The following ADGRL3 variants were observed in gnomAD, a reference collection of about 807,000 sequenced individuals.
The protein encoded by ADGRL3 is adhesion G protein-coupled receptor L3, also known as calcium-independent alpha-latrotoxin receptor 3.
ADGRL3 carries 62 observed loss-of-function variants against 153.5 expected under a neutral mutation model. The ratio of observed to expected loss-of-function variants is 0.40; its 90% CI spans 0.33 to 0.50. The LOEUF (loss-of-function observed/expected upper bound fraction) is 0.50, where lower values mean the gene tolerates loss of function less well. Ranked by LOEUF, ADGRL3 falls within the 20% of genes least tolerant of loss-of-function variation. ADGRL3 has a pLI of 0.47. For missense variants in ADGRL3, 1,641 were observed against 1,859.4 expected (o/e 0.88, Z 2.16); for synonymous variants, 710 against 672.5 (o/e 1.06, Z -0.86).
chr4:61,809,830 A>G (rs2097589245), intron 8 of ADGRL3, among the ~76,000 whole-genome samples: 1 of 152,090 alleles, frequency 6.6e-6, no homozygotes, highest in African/African-American at 2.4e-5. Context: ...ACAGCTAAAA[A>G]TTACTAAGTA....
chr4:61,341,485 T>C (rs954537726), intron 1 of ADGRL3, among the ~76,000 whole-genome samples: 2 of 151,486 alleles, frequency 1.3e-5, no homozygotes, highest in Non-Finnish European at 2.9e-5. Flanking sequence ...TTTCCTCATA[T>C]ATACAGAGTC....
At chr4:61,812,030 A>C (rs555107099) in intron 8 of ADGRL3, among the ~76,000 whole-genome samples, 1 of 152,288 alleles carries the variant, frequency 6.6e-6, no homozygotes, top group Non-Finnish European at 1.5e-5. Context: ...AGATCTACAA[A>C]GTTTCAAACC....
intron 2 of ADGRL3, among the ~76,000 whole-genome samples, chr4:61,408,853 T>G (rs1388900357): frequency 1.3e-5 from 2 of 152,026 alleles, no homozygotes; most frequent in Non-Finnish European, 2.9e-5. Flanking sequence ...CTAACATACT[T>G]TCAAACTTAT....
chr4:61,442,962 T>C (rs573171943), intron 2 of ADGRL3, among the ~76,000 whole-genome samples: 1 of 152,290 alleles, frequency 6.6e-6, no homozygotes, highest in East Asian at 1.9e-4. Flanking sequence ...TCAATTTGAA[T>C]TAATTTTTGT....
At chr4:61,383,962 A>G (rs2096704939) in intron 2 of ADGRL3, among the ~76,000 whole-genome samples, 2 of 151,874 alleles carry the variant, frequency 1.3e-5, no homozygotes, top group Non-Finnish European at 2.9e-5. Flanking sequence ...TTATAAATAC[A>G]GAGCCTAATA....
At chr4:61,221,785 G>A (rs930358512) in intron 1 of ADGRL3, among the ~76,000 whole-genome samples, 4 of 152,028 alleles carry the variant, frequency 2.6e-5, no homozygotes, top group East Asian at 1.9e-4. Flanking sequence ...TGCAATTGTT[G>A]TAGCAAACCA....
chr4:62,009,432 A>C (rs1406819896), intron 21 of ADGRL3, among the ~76,000 whole-genome samples: 1 of 152,094 alleles, frequency 6.6e-6, no homozygotes, highest in African/African-American at 2.4e-5. Context: ...AATTTTATGA[A>C]GCGTACTTTA....
chr4:61,400,460 A>G (rs2096916792), intron 2 of ADGRL3, among the ~76,000 whole-genome samples: 2 of 151,950 alleles, frequency 1.3e-5, no homozygotes, highest in South Asian at 4.1e-4. Flanking sequence ...AACTAGAAAT[A>G]ATTCCTCTGT....
chr4:61,665,643 C>T (rs1330059592), intron 5 of ADGRL3, among the ~76,000 whole-genome samples: 1 of 152,132 alleles, frequency 6.6e-6, no homozygotes, highest in Non-Finnish European at 1.5e-5. Flanking sequence ...TTTTAATACG[C>T]AAAATGATAT....
chr4:61,894,900 C>G lies in ADGRL3; in HGVS notation c.1784-831C>G, dbSNP rs75568285. 4.5e-3 allele frequency among the ~76,000 whole-genome samples: 678 copies of G among 152,208 alleles called. 7 individuals are homozygous for G. Among genetic ancestry groups the G allele is most frequent in the African/African-American group, 0.016 (651 of 41,510 alleles). On this transcript the variant is annotated intron_variant, in intron 10 of 26. Coordinates refer to ENST00000683033, the MANE Select transcript of ADGRL3 (RefSeq NM_001387552.1). Reference sequence around the variant, plus strand: ...TAATATTCTCATTGATTTTCCGGCACCCACAAATGATAGACAAGGGAGTTT... The same window carrying G: ...TAATATTCTCATTGATTTTCCGGCAGCCACAAATGATAGACAAGGGAGTTT...
chr4:61,720,116 G>A (rs2096211074), intron 6 of ADGRL3, among the ~76,000 whole-genome samples: 1 of 144,592 alleles, frequency 6.9e-6, no homozygotes, highest in Non-Finnish European at 1.5e-5. Context: ...CTGAGACAGA[G>A]TCTCACACTG....
intron 8 of ADGRL3, among the ~76,000 whole-genome samples, chr4:61,794,098 G>A (rs1012054068): frequency 5.3e-5 from 8 of 152,202 alleles, no homozygotes; most frequent in Admixed American, 2.0e-4. Flanking sequence ...AGACATAGTC[G>A]TAGTGGGTAA....
intron 19 of ADGRL3, among the ~76,000 whole-genome samples, chr4:61,989,900 T>C (rs889724696): frequency 1.3e-5 from 2 of 151,982 alleles, no homozygotes; most frequent in African/African-American, 4.8e-5. Context: ...GTGACAAACA[T>C]TGTTGAAGAT....
chr4:61,777,261 A>T (rs914492962), intron 8 of ADGRL3, among the ~76,000 whole-genome samples: 18 of 152,170 alleles, frequency 1.2e-4, no homozygotes, highest in South Asian at 8.3e-4. Context: ...TGAACCTGCG[A>T]GGCGGAGCTT....
chr4:62,046,301 T>C (rs1473860492), intron 25 of ADGRL3, among the ~76,000 whole-genome samples: 2 of 151,956 alleles, frequency 1.3e-5, no homozygotes, highest in Non-Finnish European at 2.9e-5. Context: ...TTGTCTAATA[T>C]TGTTGTCTAA....
At chr4:61,249,751 A>G (rs1392292370) in intron 1 of ADGRL3, among the ~76,000 whole-genome samples, 3 of 152,202 alleles carry the variant, frequency 2.0e-5, no homozygotes, top group Non-Finnish European at 4.4e-5. Flanking sequence ...AATGGATACT[A>G]TGCACGATTA....
intron 4 of ADGRL3, among the ~76,000 whole-genome samples, chr4:61,552,855 CT>C (rs1433968689): frequency 6.6e-6 from 1 of 152,064 alleles, no homozygotes; most frequent in Non-Finnish European, 1.5e-5. Context: ...TAGCTTATTT[CT>C]TTGTTGTCTT....
intron 6 of ADGRL3, among the ~76,000 whole-genome samples, chr4:61,710,880 A>T (rs1012124457): frequency 6.6e-6 from 1 of 152,176 alleles, no homozygotes; most frequent in Non-Finnish European, 1.5e-5. Flanking sequence ...TTTTGTTTTG[A>T]CATTGGCTGT....
intron 9 of ADGRL3, 81 bp downstream of exon 9, chr4:61,813,970 G>C: frequency 6.5e-7 from 1 of 1,544,408 alleles, no homozygotes; most frequent in Admixed American, 2.0e-5. Flanking sequence ...TATGTATTTT[G>C]TAATGCAGTG....
Sources: gnomAD v4.1 joint callset for allele counts (sites outside exome capture counted in the v4.1 genomes callset) on GRCh38, gnomAD v4.1.1 for gene constraint, MANE v1.5 for transcripts, NCBI Gene and HGNC (gene_info 2026-07-23, HGNC 2026-07-21) for gene names.